OPRPN: variants seen among roughly 807,000 people sequenced by gnomAD.
OPRPN encodes the protein basic proline-rich lacrimal protein.
Under a neutral mutation model 2.2 loss-of-function variants are expected in OPRPN, and 1 was observed. That is an observed-to-expected ratio of 0.45 (90% CI 0.16 to 2.15). The LOEUF (loss-of-function observed/expected upper bound fraction) is 2.15. OPRPN is among the 30% of genes most tolerant of loss of function. OPRPN has a pLI of 0.28. For missense variants in OPRPN, 306 were observed against 297.3 expected, an observed-to-expected ratio of 1.03 and a Z score of -0.21; for synonymous variants, 126 against 111.5, an observed-to-expected ratio of 1.13 and a Z score of -0.82.
chr4:70,401,886 A>G lies in OPRPN; in HGVS notation c.51+2550A>G, dbSNP rs1732990498. 2.0e-5 allele frequency among the ~76,000 whole-genome samples: 3 copies of G among 152,252 alleles called. No homozygotes were observed. The South Asian group carries it at 6.2e-4, about 32-fold the overall frequency. ...TTAGAGAAGACTTTGTTTGCAGCAC[A>G]ATCTGTCCACTAAACTGCTGTCAGC... On this transcript the variant is annotated intron_variant, in intron 2 of 2. Coordinates refer to ENST00000399575, the MANE Select transcript of OPRPN (RefSeq NM_021225.5).
At position 70,406,163 on chromosome 4, in the gene OPRPN, A is replaced by G. The variant is rs187780964; in HGVS notation, c.52-3217A>G. ...TTGTTTGAAGAAGTTAATAATTACT[A>G]CACTATATAATAAGTGACTATAAGT... On this transcript the variant is annotated intron_variant, in intron 2 of 2. Transcript: ENST00000399575. 5.5e-3 allele frequency among the ~76,000 whole-genome samples: 843 copies of G among 152,336 alleles called. 5 individuals carry two copies. The highest frequency in any genetic ancestry group is 8.5e-3 in the Non-Finnish European group (581 of 68,030).
chr4:70,410,072 T>C lies in OPRPN; in HGVS notation c.744T>C (p.Gly248=), dbSNP rs1733194556. 1 of 1,539,372 alleles carries C rather than the reference T, an allele frequency of 6.5e-7. No individual in the cohort carries two copies. The change falls in exon 3 of 3, where the codon GGT becomes GGC. Residue 248 remains glycine (G), a synonymous_variant. Transcript: ENST00000399575. ...GGCAAAAACTCTTTGCCATTTTTGGTTGAACATGCAATAAATGATATTTTC... is the reference window on the plus strand; with the variant it reads ...GGCAAAAACTCTTTGCCATTTTTGGCTGAACATGCAATAAATGATATTTTC... The part of the protein sequence containing the change: ...SFWQKLFAIF[G]
intron 2 of OPRPN, among the ~76,000 whole-genome samples, chr4:70,400,571 G>T (rs886101137): frequency 4.6e-5 from 7 of 151,796 alleles, no homozygotes; most frequent in African/African-American, 1.7e-4. Flanking sequence ...AGCTGATCTT[G>T]GGGCCTGGAA....
chr4:70,410,018 A>AT lies in OPRPN; in HGVS notation c.692dup (p.Leu231PhefsTer7), dbSNP rs1560535210. The AT allele has an allele frequency of 3.1e-6, 5 of 1,604,378 alleles. No homozygotes were observed. Among genetic ancestry groups the AT allele is most frequent in the Non-Finnish European group, 4.3e-6 (5 of 1,176,192 alleles). On this transcript the variant is annotated frameshift_variant, in exon 3 of 3. Coordinates refer to ENST00000399575, the MANE Select transcript of OPRPN (RefSeq NM_021225.5). LOFTEE classifies it low-confidence loss of function (END_TRUNC). ...AAGTTACGACTTCCAACCAAACTAT[A>AT]TTAAGCAGCCCAGCCTTTAAAAGTT...
intron 2 of OPRPN, among the ~76,000 whole-genome samples, chr4:70,407,656 T>C (rs1386606539): frequency 6.6e-6 from 1 of 152,154 alleles, no homozygotes; most frequent in Non-Finnish European, 1.5e-5. Flanking sequence ...GCTTCAAGGG[T>C]ACCCTAGGTT....
chr4:70,401,575 A>C (rs982970709), intron 2 of OPRPN, among the ~76,000 whole-genome samples: 8 of 152,242 alleles, frequency 5.3e-5, no homozygotes, highest in Admixed American at 3.3e-4. Context: ...ATGCTCCTTT[A>C]CATAGCACAG....
intron 2 of OPRPN, among the ~76,000 whole-genome samples, chr4:70,403,883 TTCCTGCAATTA>T (rs926571767): frequency 2.0e-5 from 3 of 152,260 alleles, no homozygotes; most frequent in East Asian, 1.9e-4. Context: ...AGCAAGGAGA[TTCCTGCAATTA>T]TCCTGCAATT....
At chr4:70,406,231 C>A (rs955789297) in intron 2 of OPRPN, among the ~76,000 whole-genome samples, 2 of 152,022 alleles carry the variant, frequency 1.3e-5, no homozygotes, top group Non-Finnish European at 2.9e-5. Flanking sequence ...ACAAAGATAC[C>A]TAACTTACTT....
chr4:70,401,320 T>A (rs1443570114), intron 2 of OPRPN, among the ~76,000 whole-genome samples: 1 of 152,086 alleles, frequency 6.6e-6, no homozygotes, highest in African/African-American at 2.4e-5. Flanking sequence ...CAAAAATTTC[T>A]TGCTGTATTC....
chr4:70,402,130 T>C (rs1732994530), intron 2 of OPRPN, among the ~76,000 whole-genome samples: 1 of 152,064 alleles, frequency 6.6e-6, no homozygotes, highest in Non-Finnish European at 1.5e-5. Flanking sequence ...AGACAGACAG[T>C]GGTTCTCCAA....
rs1733178422 is a variant in OPRPN at position 70,409,737 on chromosome 4, A to G, written c.409A>G (p.Ile137Val). 1.2e-6 allele frequency: 2 copies of G among 1,613,090 alleles called. No individual in the cohort carries two copies. Among genetic ancestry groups the G allele is most frequent in the South Asian group, 1.1e-5 (1 of 91,000 alleles). The change falls in exon 3 of 3, where the codon ATC becomes GTC. Residue 137 changes from isoleucine (I) to valine (V), a missense_variant. Ile to Val is a conservative substitution (Grantham distance 29, BLOSUM62 3). Transcript: ENST00000399575. ...TTTTTTTCTTGCTATTTACCTTCCT[A>G]TCTCTAACCCTGAGCCCCAAATAAA... ...IPFFLAIYLPISNPEPQINIT... is the reference protein window; with the variant it reads ...IPFFLAIYLPVSNPEPQINIT...
intron 2 of OPRPN, among the ~76,000 whole-genome samples, chr4:70,404,443 C>T (rs1035572674): frequency 6.6e-6 from 1 of 152,106 alleles, no homozygotes; most frequent in African/African-American, 2.4e-5. Flanking sequence ...TGAAATCATC[C>T]TTGACTCTAT....
At chr4:70,401,480 TAAC>T (rs1032227446) in intron 2 of OPRPN, among the ~76,000 whole-genome samples, 5 of 152,058 alleles carry the variant, frequency 3.3e-5, no homozygotes, top group Non-Finnish European at 1.5e-5. Context: ...AAATTAAAAA[TAAC>T]AGTTCATATT....
At chr4:70,406,579 A>G (rs1733093418) in intron 2 of OPRPN, among the ~76,000 whole-genome samples, 1 of 152,176 alleles carries the variant, frequency 6.6e-6, no homozygotes. Context: ...GAGCTTGCCA[A>G]GTGAATGGAA....
chr4:70,402,415 C>T (rs1404332566), intron 2 of OPRPN, among the ~76,000 whole-genome samples: 1 of 152,064 alleles, frequency 6.6e-6, no homozygotes, highest in Admixed American at 6.6e-5. Flanking sequence ...ACGCTCCTTG[C>T]CATGTGCAAG....
At chr4:70,399,424 G>T in intron 2 of OPRPN, 88 bp downstream of exon 2, 1 of 1,141,628 alleles carries the variant, frequency 8.8e-7, no homozygotes, top group South Asian at 1.4e-5. Context: ...ATTTTGTCCT[G>T]TATATAAAAA....
intron 2 of OPRPN, among the ~76,000 whole-genome samples, chr4:70,401,992 A>G (rs1459590613): frequency 2.0e-5 from 3 of 152,144 alleles, no homozygotes; most frequent in Non-Finnish European, 4.4e-5. Context: ...GTAAAAAGTA[A>G]AATAAACTTA....
chr4:70,404,457 C>T (rs545063533), intron 2 of OPRPN, among the ~76,000 whole-genome samples: 2 of 152,250 alleles, frequency 1.3e-5, no homozygotes, highest in East Asian at 3.9e-4. Context: ...ACTCTATCAC[C>T]TCCCAGATCC....
chr4:70,403,070 GA>G (rs1161213228), intron 2 of OPRPN, among the ~76,000 whole-genome samples: 6 of 151,780 alleles, frequency 4.0e-5, no homozygotes. Context: ...ATGATTTGGA[GA>G]AAAAAAATGA....
Sources: allele counts gnomAD v4.1 joint callset (sites outside exome capture counted in the v4.1 genomes callset), GRCh38; gene constraint gnomAD v4.1.1; transcripts MANE v1.5; gene names NCBI Gene and HGNC (gene_info 2026-07-23, HGNC 2026-07-21).